The following PRCP variants were observed in gnomAD, a reference collection of about 807,000 sequenced individuals.
PRCP encodes prolylcarboxypeptidase.
In PRCP, 46 loss-of-function variants were observed where a neutral mutation model predicts 54.2. The observed-to-expected ratio is 0.85, with a 90% CI of 0.67 to 1.09. PRCP has a LOEUF of 1.09. Ranked by LOEUF, PRCP falls within the 50% of genes least tolerant of loss-of-function variation. The pLI is 0.00. For missense variants in PRCP, 613 were observed against 596.8 expected, an observed-to-expected ratio of 1.03 and a Z score of -0.28; for synonymous variants, 240 against 212.2, an observed-to-expected ratio of 1.13 and a Z score of -1.14.
chr11:82,849,794 T>C, intron 5 of PRCP, 120 bp downstream of exon 5: 1 of 924,026 alleles, frequency 1.1e-6, no homozygotes, highest in South Asian at 4.4e-5. Flanking sequence ...TTGATTTGTA[T>C]AATTTTCTGT....
At chr11:82,830,887 C>T (rs941758640) in intron 8 of PRCP, 4 of 151,818 alleles carry the variant, frequency 2.6e-5, no homozygotes, top group African/African-American at 7.2e-5. Context: ...CCAACAGCCA[C>T]ATAATAAGCA....
chr11:82,834,432 T>C (rs2121077162), intron 8 of PRCP, among the ~76,000 whole-genome samples: 1 of 152,372 alleles, frequency 6.6e-6, no homozygotes, highest in East Asian at 1.9e-4. Flanking sequence ...CTGAAGAGTA[T>C]AGTTTTGAAG....
intron 3 of PRCP, among the ~76,000 whole-genome samples, chr11:82,852,025 A>C (rs1337780023): frequency 6.6e-6 from 1 of 152,212 alleles, no homozygotes; most frequent in Admixed American, 6.5e-5. Context: ...AAGGGAAAGA[A>C]GTATATCAAA....
chr11:82,828,995 C>T (rs1330381676), intron 8 of PRCP: 1 of 152,210 alleles, frequency 6.6e-6, no homozygotes. Flanking sequence ...GTCAACAAAT[C>T]CTGTCATCTA....
chr11:82,846,601 G>A (rs1858814230), intron 6 of PRCP, among the ~76,000 whole-genome samples: 1 of 152,064 alleles, frequency 6.6e-6, no homozygotes, highest in Non-Finnish European at 1.5e-5. Flanking sequence ...GAAGTAAAGG[G>A]TGACTGTGAG....
rs751644271 is a variant in PRCP, at chr11:82,860,097, A to G, written c.189T>C (p.Asn63=). 1.9e-6 allele frequency: 3 copies of G among 1,541,358 alleles called. No individual in the cohort carries two copies. Among genetic ancestry groups the G allele is most frequent in the Non-Finnish European group, 1.8e-6 (2 of 1,141,890 alleles). The change falls in exon 2 of 9, where the codon AAT becomes AAC. Residue 63 remains asparagine (N), a synonymous_variant. Transcript: ENST00000313010. ...FQQKVDHFGF[N]TVKTFNQRYL... is the part of the protein sequence containing the mutation. ...ACCGCTGATTAAAAGTTTTCACAGTATTAAATCCAAAATGATCAACCTGTG... is the reference window on the plus strand; with the variant it reads ...ACCGCTGATTAAAAGTTTTCACAGTGTTAAATCCAAAATGATCAACCTGTG...
intron 3 of PRCP, among the ~76,000 whole-genome samples, chr11:82,851,705 A>G (rs1318231905): frequency 6.6e-6 from 1 of 152,132 alleles, no homozygotes; most frequent in East Asian, 1.9e-4. Flanking sequence ...GAATACAGCT[A>G]CATACCTCTA....
chr11:82,839,189 C>A, intron 7 of PRCP, 72 bp downstream of exon 7: 4 of 1,505,840 alleles, frequency 2.7e-6, no homozygotes, highest in South Asian at 1.3e-5. Context: ...TCTTGTGTAC[C>A]CTGATTTTTT....
intron 1 of PRCP, among the ~76,000 whole-genome samples, chr11:82,862,306 A>G (rs1415004827): frequency 6.6e-6 from 1 of 152,178 alleles, no homozygotes; most frequent in African/African-American, 2.4e-5. Flanking sequence ...GTAATTATCA[A>G]ATACTATAAC....
At chr11:82,850,634 T>C (rs1565223535) in intron 3 of PRCP, 129 bp from the exon 4 acceptor site, 1 of 609,942 alleles carries the variant, frequency 1.6e-6, no homozygotes, top group Non-Finnish European at 2.5e-6. Context: ...GCAATTGAGC[T>C]AAAATGCCTA....
intron 1 of PRCP, among the ~76,000 whole-genome samples, 200 bp from the exon 2 acceptor site, chr11:82,860,317 A>T (rs7118325): frequency 0.12 from 17,585 of 151,896 alleles, 1,938 homozygotes; most frequent in African/African-American, 0.29. Flanking sequence ...AAAATAAAGT[A>T]ATATTTGCTA....
intron 8 of PRCP, chr11:82,828,086 G>A (rs577054861): frequency 6.6e-5 from 10 of 152,098 alleles, no homozygotes; most frequent in African/African-American, 2.4e-4. Flanking sequence ...TTTCACATTT[G>A]TTCATTGTAA....
intron 1 of PRCP, among the ~76,000 whole-genome samples, chr11:82,878,040 C>A (rs1414923797): frequency 6.6e-6 from 1 of 152,228 alleles, no homozygotes; most frequent in East Asian, 1.9e-4. Context: ...GGATGTGAGA[C>A]CTGGAGTCAA....
At position 82,874,732 on chromosome 11, in the gene PRCP, A is replaced by G. The variant is rs534860321; in HGVS notation, c.169-14615T>C. On this transcript the variant is annotated intron_variant, in intron 1 of 8. Coordinates refer to ENST00000313010, the MANE Select transcript of PRCP (RefSeq NM_005040.4). ...AAAGAAAAAAAAGAAAACTAGTTGT[A>G]CAGGTTTTATTCTGATAGAGAATAA... is the stretch of plus-strand genomic sequence containing the variant. 8.6e-4 allele frequency among the ~76,000 whole-genome samples: 131 copies of G among 151,678 alleles called. 2 individuals are homozygous for G. The highest frequency in any genetic ancestry group is 3.0e-3 in the African/African-American group (124 of 41,414).
At chr11:82,883,264 G>A (rs1370412451) in intron 1 of PRCP, among the ~76,000 whole-genome samples, 2 of 152,212 alleles carry the variant, frequency 1.3e-5, no homozygotes, top group African/African-American at 2.4e-5. Flanking sequence ...CCAGCCCATG[G>A]CAGGGAGGCA....
At chr11:82,878,598 T>TC (rs1265963253) in intron 1 of PRCP, among the ~76,000 whole-genome samples, 3 of 152,188 alleles carry the variant, frequency 2.0e-5, no homozygotes, top group Admixed American at 2.0e-4. Flanking sequence ...TGTTAGCTGG[T>TC]TATTTTGCTC....
chr11:82,859,661 C>T lies in PRCP; in HGVS notation c.309+316G>A, dbSNP rs115514787. 3.9e-3 allele frequency among the ~76,000 whole-genome samples: 588 copies of T among 149,520 alleles called. 2 individuals carry two copies. Among genetic ancestry groups the T allele is most frequent in the African/African-American group, 0.014 (567 of 39,262 alleles). On this transcript the variant is annotated intron_variant, in intron 2 of 8. Coordinates refer to ENST00000313010, the MANE Select transcript of PRCP (RefSeq NM_005040.4). ...GCAAAATTCAATTCTCTGGGATGTT[C>T]AGGCAGTCCATGAAAAATACAATAA...
Position 82,863,018 on chromosome 11 carries a change from C to T in PRCP, c.169-2901G>A, listed in dbSNP as rs1669392942. Among the ~76,000 whole-genome samples, 3 of 152,218 alleles carry T rather than the reference C, an allele frequency of 2.0e-5. No homozygotes were observed. The South Asian group carries it at 6.2e-4, about 32-fold the overall frequency. On this transcript the variant is annotated intron_variant, in intron 1 of 8. Coordinates refer to ENST00000313010, the MANE Select transcript of PRCP (RefSeq NM_005040.4). The stretch of plus-strand genomic sequence containing the variant: ...GAAGACGGATAAGTGATTCCACCTG[C>T]TTCCATTCAATTAGTACAGTGGTTC...
At chr11:82,884,830 G>C (rs1859829423) in intron 1 of PRCP, 1 of 1,613,364 alleles carries the variant, frequency 6.2e-7, no homozygotes, top group Admixed American at 1.7e-5. Flanking sequence ...TACCAGAGGA[G>C]TCTTGTAATG....
Sources: gnomAD v4.1 joint callset for allele counts (sites outside exome capture counted in the v4.1 genomes callset) on GRCh38, gnomAD v4.1.1 for gene constraint, MANE v1.5 for transcripts, NCBI Gene and HGNC (gene_info 2026-07-23, HGNC 2026-07-21) for gene names.